CDYL: variants seen among roughly 807,000 people sequenced by gnomAD.
CDYL encodes chromodomain Y-like protein.
In CDYL, 8 loss-of-function variants were observed where a neutral mutation model predicts 47.3. That is an observed-to-expected ratio of 0.17 (90% CI 0.10 to 0.31). CDYL has a LOEUF of 0.31. CDYL is among the 10% of genes least tolerant of loss of function. The pLI, the probability that CDYL is intolerant of heterozygous loss-of-function variation, is 1.00. For synonymous variants in CDYL, 266 were observed against 265.0 expected (o/e 1.00, Z -0.04); for missense variants, 471 against 701.4 (o/e 0.67, Z 3.71).
At chr6:4,787,744 A>T (rs926378732) in intron 1 of CDYL, among the ~76,000 whole-genome samples, 11 of 144,484 alleles carry the variant, frequency 7.6e-5, no homozygotes, top group African/African-American at 2.8e-4. Flanking sequence ...AGGTGCGGAC[A>T]GGCTGCTCTG....
chr6:4,759,874 C>T (rs1173065774), intron 3 of CDYL, among the ~76,000 whole-genome samples: 2 of 10,118 alleles, frequency 2.0e-4, no homozygotes, highest in African/African-American at 4.3e-4. Context: ...AGAGAAACTC[C>T]ATCTCAAAAA....
intron 1 of CDYL, among the ~76,000 whole-genome samples, chr6:4,795,498 C>T (rs1759045765): frequency 6.6e-6 from 1 of 152,046 alleles, no homozygotes; most frequent in Non-Finnish European, 1.5e-5. Flanking sequence ...ATCTGAGCCT[C>T]TCTGCTGCCT....
chr6:4,831,440 C>G (rs1158763877), intron 1 of CDYL, among the ~76,000 whole-genome samples: 1 of 152,138 alleles, frequency 6.6e-6, no homozygotes, highest in Non-Finnish European at 1.5e-5. Flanking sequence ...TGATCTATAT[C>G]TCTGTTTTGG....
intron 2 of CDYL, among the ~76,000 whole-genome samples, chr6:4,733,819 G>GT (rs1471997118): frequency 6.7e-6 from 1 of 149,808 alleles, no homozygotes; most frequent in East Asian, 2.0e-4. Context: ...TCTCTCTGCA[G>GT]TTTCTTTTTC....
intron 1 of CDYL, among the ~76,000 whole-genome samples, chr6:4,811,688 C>T (rs1047985281): frequency 4.0e-5 from 6 of 151,210 alleles, no homozygotes; most frequent in African/African-American, 1.5e-4. Flanking sequence ...TCACTGCAGC[C>T]TCAAACTCTT....
At chr6:4,798,517 G>A (rs1404356805) in intron 1 of CDYL, among the ~76,000 whole-genome samples, 1 of 152,056 alleles carries the variant, frequency 6.6e-6, no homozygotes, top group African/African-American at 2.4e-5. Flanking sequence ...TATTACAGTG[G>A]GTCTAAGAGT....
In CDYL at chr6:4,776,803, A is replaced by T. The variant is rs1313234464; in HGVS notation, c.20A>T (p.Tyr7Phe). MASEEL[Y>F]EVERIVDKRK... ...CCCACCATGGCTTCCGAGGAGCTGT[A>T]CGAGGTACCTCCCCTCCCCCCGGCC... The change falls in exon 1 of 7, where the codon TAC becomes TTC. Residue 7 changes from tyrosine (Y) to phenylalanine (F), a missense_variant. Physicochemically the swap from Tyr to Phe is conservative, Grantham distance 22 (BLOSUM62 3). Transcript: ENST00000397588. 2 of 1,106,310 alleles carry T rather than the reference A, an allele frequency of 1.8e-6. No individual in the cohort carries two copies. Among genetic ancestry groups the T allele is most frequent in the Non-Finnish European group, 2.2e-6 (2 of 896,042 alleles). The allele number at this position is 1,106,310 out of a possible 1,614,324, so 68.5% of individuals were successfully genotyped here.
Position 4,877,295 on chromosome 6 carries a change from C to T in CDYL, c.25-14418C>T, listed in dbSNP as rs144584842. On this transcript the variant is annotated intron_variant, in intron 1 of 6. Coordinates refer to ENST00000397588, the MANE Select transcript of CDYL (RefSeq NM_004824.4). ...TTATTCTGTCCTCACAATCTGTCCCCGTCAACATTGTTTTTGATGAGAAGT... is the reference window on the plus strand; with the variant it reads ...TTATTCTGTCCTCACAATCTGTCCCTGTCAACATTGTTTTTGATGAGAAGT... Among the ~76,000 whole-genome samples the T allele has an allele frequency of 4.2e-3, 633 of 152,180 alleles. 1 individual carries two copies. The highest frequency in any genetic ancestry group is 0.014 in the African/African-American group (593 of 41,526).
chr6:4,848,347 T>C (rs1353588764), intron 1 of CDYL, among the ~76,000 whole-genome samples: 1 of 152,168 alleles, frequency 6.6e-6, no homozygotes, highest in Non-Finnish European at 1.5e-5. Flanking sequence ...TTATAGAAAT[T>C]GGAGAGTTTC....
intron 3 of CDYL, among the ~76,000 whole-genome samples, chr6:4,741,915 A>T (rs914358677): frequency 6.6e-6 from 1 of 152,212 alleles, no homozygotes; most frequent in African/African-American, 2.4e-5. Context: ...CTCAAAGTCC[A>T]GAATCTCTAG....
intron 1 of CDYL, among the ~76,000 whole-genome samples, chr6:4,791,942 G>T (rs1350782143): frequency 6.6e-6 from 1 of 150,882 alleles, no homozygotes; most frequent in Admixed American, 6.6e-5. Flanking sequence ...GAGTGCAGTG[G>T]CGCGATCTCA....
intron 2 of CDYL, among the ~76,000 whole-genome samples, chr6:4,734,499 A>G (rs1230080984): frequency 1.3e-5 from 2 of 152,118 alleles, no homozygotes; most frequent in Non-Finnish European, 2.9e-5. Flanking sequence ...CTTCCACTCC[A>G]CATTCCAGAT....
At chr6:4,896,434 T>C (rs748570294) in intron 2 of CDYL, among the ~76,000 whole-genome samples, 1 of 152,176 alleles carries the variant, frequency 6.6e-6, no homozygotes, top group Non-Finnish European at 1.5e-5. Flanking sequence ...CTGCAAGTAC[T>C]TGTGGATGGA....
chr6:4,938,982 T>G (rs1488648380), intron 4 of CDYL, among the ~76,000 whole-genome samples: 1 of 152,208 alleles, frequency 6.6e-6, no homozygotes, highest in African/African-American at 2.4e-5. Flanking sequence ...GTCATCAACA[T>G]GAAAGTTGGC....
intron 2 of CDYL, chr6:4,734,648 A>AGAGAGGG: frequency 7.2e-7 from 1 of 1,387,824 alleles, no homozygotes; most frequent in Non-Finnish European, 9.8e-7. Context: ...CTCCTAATTC[A>AGAGAGGG]GGAAGGGGAG....
chr6:4,878,221 C>A (rs2127476643), intron 1 of CDYL, among the ~76,000 whole-genome samples: 1 of 152,022 alleles, frequency 6.6e-6, no homozygotes, highest in African/African-American at 2.4e-5. Context: ...TTTTTATCTA[C>A]CTCTTTTTTT....
intron 1 of CDYL, among the ~76,000 whole-genome samples, chr6:4,838,645 G>T (rs1165562060): frequency 6.6e-6 from 1 of 152,004 alleles, no homozygotes; most frequent in Non-Finnish European, 1.5e-5. Context: ...TTTCCTCTGG[G>T]AAGATACCCA....
chr6:4,839,358 A>G (rs1760420673), intron 1 of CDYL, among the ~76,000 whole-genome samples: 1 of 151,326 alleles, frequency 6.6e-6, no homozygotes. Context: ...ATTTTCTCCC[A>G]CTCTGTGGGT....
intron 1 of CDYL, among the ~76,000 whole-genome samples, chr6:4,782,080 G>A (rs1435173485): frequency 6.7e-6 from 1 of 148,622 alleles, no homozygotes; most frequent in East Asian, 2.1e-4. Flanking sequence ...GTGGGTTGGG[G>A]ATCTGCCTGG....
Sources: gnomAD v4.1 joint callset for allele counts (sites outside exome capture counted in the v4.1 genomes callset) on GRCh38, gnomAD v4.1.1 for gene constraint, MANE v1.5 for transcripts, NCBI Gene and HGNC (gene_info 2026-07-23, HGNC 2026-07-21) for gene names.